The following VPS13B variants were observed in gnomAD, a reference collection of about 807,000 sequenced individuals.
VPS13B encodes intermembrane lipid transfer protein VPS13B.
A neutral mutation model predicts 426.4 loss-of-function variants in VPS13B; 285 were observed. The ratio of observed to expected loss-of-function variants is 0.67; its 90% confidence interval spans 0.61 to 0.74. The LOEUF (loss-of-function observed/expected upper bound fraction) is 0.74. VPS13B is among the 30% of genes least tolerant of loss of function. VPS13B has a pLI of 0.00. For missense variants in VPS13B, 4,537 were observed against 4,782.6 expected (o/e 0.95, Z 1.51); for synonymous variants, 1,676 against 1,676.4 (o/e 1.00, Z 0.01).
At chr8:99,760,278 C>T (rs1343611193) in intron 39 of VPS13B, among the ~76,000 whole-genome samples, 2 of 152,178 alleles carry the variant, frequency 1.3e-5, no homozygotes, top group Non-Finnish European at 1.5e-5. Context: ...CCACTATGCC[C>T]GGCCACTTGC....
chr8:99,611,525 C>G (rs150892767), intron 33 of VPS13B, among the ~76,000 whole-genome samples: 1 of 151,836 alleles, frequency 6.6e-6, no homozygotes, highest in Non-Finnish European at 1.5e-5. Flanking sequence ...TAAATGAGGA[C>G]TGTTCTTACC....
chr8:99,231,343 C>T (rs1280145030), intron 17 of VPS13B, among the ~76,000 whole-genome samples: 1 of 151,774 alleles, frequency 6.6e-6, no homozygotes, highest in East Asian at 1.9e-4. Flanking sequence ...ACACTGTTTG[C>T]AGTAGAGGAA....
intron 19 of VPS13B, among the ~76,000 whole-genome samples, chr8:99,303,730 C>CAAAAAAAAAAAAAAAAAAAAAAAA (rs58708195): frequency 4.7e-5 from 3 of 63,716 alleles, no homozygotes; most frequent in African/African-American, 2.1e-4. Context: ...GACTCCGTCT[C>CAAAAAAAAAAAAAAAAAAAAAAAA]AAAAAAAAAA....
chr8:99,286,571 C>T (rs927227676), intron 19 of VPS13B, among the ~76,000 whole-genome samples: 2 of 152,028 alleles, frequency 1.3e-5, no homozygotes, highest in African/African-American at 4.8e-5. Context: ...TACCTTCAGT[C>T]AATAATTATT....
intron 3 of VPS13B, among the ~76,000 whole-genome samples, chr8:99,050,265 A>G (rs1843463327): frequency 6.6e-6 from 1 of 151,456 alleles, no homozygotes; most frequent in South Asian, 2.1e-4. Flanking sequence ...ATTCCCACCT[A>G]TAAGTGAGAA....
intron 19 of VPS13B, among the ~76,000 whole-genome samples, chr8:99,335,373 T>C (rs1339481552): frequency 6.6e-6 from 1 of 152,064 alleles, no homozygotes; most frequent in African/African-American, 2.4e-5. Context: ...CTGCTCTGAT[T>C]TTAGTTATTT....
chr8:99,292,264 C>G (rs934114624), intron 19 of VPS13B, among the ~76,000 whole-genome samples: 2 of 152,128 alleles, frequency 1.3e-5, no homozygotes, highest in Non-Finnish European at 2.9e-5. Flanking sequence ...ACTGTTGATG[C>G]ATTTAGAGTG....
intron 52 of VPS13B, 55 bp from the exon 53 acceptor site, chr8:99,835,142 G>C: frequency 2.5e-6 from 4 of 1,611,014 alleles, no homozygotes; most frequent in Non-Finnish European, 3.4e-6. Context: ...CCAGAGGAGA[G>C]AGCATTCATT....
intron 34 of VPS13B, among the ~76,000 whole-genome samples, chr8:99,644,501 A>C (rs1281316694): frequency 6.6e-6 from 1 of 152,120 alleles, no homozygotes; most frequent in Non-Finnish European, 1.5e-5. Flanking sequence ...CTTGTATGTA[A>C]ACTGACGTGG....
intron 19 of VPS13B, among the ~76,000 whole-genome samples, chr8:99,283,319 A>G (rs1819264717): frequency 1.3e-5 from 2 of 152,156 alleles, no homozygotes; most frequent in Admixed American, 1.3e-4. Context: ...ATCTTATTAC[A>G]TTTCCTCTTT....
intron 22 of VPS13B, among the ~76,000 whole-genome samples, chr8:99,433,496 A>G (rs540434316): frequency 1.3e-5 from 2 of 152,358 alleles, no homozygotes; most frequent in East Asian, 1.9e-4. Context: ...ATCAGCACAT[A>G]ACATAGAATT....
chr8:99,028,835 C>G (rs1290114231), intron 2 of VPS13B, among the ~76,000 whole-genome samples: 1 of 21,380 alleles, frequency 4.7e-5, no homozygotes, highest in African/African-American at 2.3e-4. Flanking sequence ...GGCGGCTGGC[C>G]GGGCGGGGGG....
chr8:99,757,925 T>C (rs942810516), intron 39 of VPS13B, among the ~76,000 whole-genome samples: 4 of 152,248 alleles, frequency 2.6e-5, no homozygotes, highest in Non-Finnish European at 5.9e-5. Context: ...ATGTGTTACA[T>C]GTGGAATGTT....
chr8:99,386,749 T>A (rs1282224390), intron 20 of VPS13B, among the ~76,000 whole-genome samples: 3 of 152,088 alleles, frequency 2.0e-5, no homozygotes, highest in African/African-American at 7.2e-5. Flanking sequence ...GGTGGGAGAA[T>A]TGCTTGAGCC....
intron 19 of VPS13B, among the ~76,000 whole-genome samples, chr8:99,367,728 A>G (rs1052382263): frequency 6.6e-6 from 1 of 152,198 alleles, no homozygotes; most frequent in Non-Finnish European, 1.5e-5. Flanking sequence ...ATTTTCAAAT[A>G]GCCTGTCTTC....
intron 56 of VPS13B, among the ~76,000 whole-genome samples, chr8:99,855,054 A>C (rs1816476296): frequency 6.6e-6 from 1 of 152,100 alleles, no homozygotes; most frequent in African/African-American, 2.4e-5. Context: ...ATGCATACAA[A>C]ATTTTATAGA....
In VPS13B at chr8:99,744,736, T is replaced by A. The variant is rs188665995; in HGVS notation, c.7051-22038T>A. On this transcript the variant is annotated intron_variant, in intron 39 of 61. Coordinates refer to ENST00000357162, the MANE Select transcript of VPS13B (RefSeq NM_152564.5). ...GTCTCAAGAACAAAAAACCAAACAC[T>A]GCATATTCTCACTCATAGGTGGGAA... Among the ~76,000 whole-genome samples, 55 of 149,852 alleles carry A rather than the reference T, an allele frequency of 3.7e-4. No homozygotes were observed. The East Asian group carries it at 0.01, about 28-fold the overall frequency.
chr8:99,208,020 G>A (rs962173307), intron 17 of VPS13B, among the ~76,000 whole-genome samples: 1 of 152,176 alleles, frequency 6.6e-6, no homozygotes, highest in African/African-American at 2.4e-5. Flanking sequence ...ACTCTTATTT[G>A]TGAGGGCTGT....
chr8:99,171,889 G>A (rs1044423002), intron 16 of VPS13B, among the ~76,000 whole-genome samples: 5 of 152,086 alleles, frequency 3.3e-5, no homozygotes, highest in Admixed American at 3.3e-4. Context: ...ATAAAATACT[G>A]CTTAAGCAGT....
Sources: gnomAD v4.1 joint callset for allele counts (sites outside exome capture counted in the v4.1 genomes callset) on GRCh38, gnomAD v4.1.1 for gene constraint, MANE v1.5 for transcripts, NCBI Gene and HGNC (gene_info 2026-07-23, HGNC 2026-07-21) for gene names.